The following FLRT2 variants were observed in gnomAD, a reference collection of about 807,000 sequenced individuals.
The protein encoded by FLRT2 is leucine-rich repeat transmembrane protein FLRT2.
A neutral mutation model predicts 40.0 loss-of-function variants in FLRT2; 15 were observed. That is an observed-to-expected ratio of 0.38 (90% CI 0.25 to 0.58). The LOEUF (loss-of-function observed/expected upper bound fraction) is 0.58, where lower values mean the gene tolerates loss of function less well. Ranked by LOEUF, FLRT2 falls within the 20% of genes least tolerant of loss-of-function variation. The pLI, the probability that FLRT2 is intolerant of heterozygous loss-of-function variation, is 0.71. For synonymous variants in FLRT2, 380 were observed against 336.8 expected, an observed-to-expected ratio of 1.13 and a Z score of -1.41; for missense variants, 726 against 840.0, an observed-to-expected ratio of 0.86 and a Z score of 1.68.
chr14:85,584,150 G>A (rs1487636710), intron 1 of FLRT2, among the ~76,000 whole-genome samples: 1 of 152,134 alleles, frequency 6.6e-6, no homozygotes, highest in East Asian at 1.9e-4. Context: ...TTGCTCTATT[G>A]TTTTAACCTC....
chr14:85,564,303 G>A (rs1306213021), intron 1 of FLRT2, among the ~76,000 whole-genome samples: 2 of 152,094 alleles, frequency 1.3e-5, no homozygotes, highest in Non-Finnish European at 2.9e-5. Context: ...CAGTTTAGAA[G>A]CTTTAACAAT....
rs1339167450 is a variant in FLRT2, at chr14:85,637,489, G to GT, written c.*13993dup. On this transcript the variant is annotated 3_prime_UTR_variant, in exon 2 of 2. Transcript: ENST00000330753. ...TTTAAAGTTACTAGCACAGTGTCTA[G>GT]TATATACAGTTGCTTTGTTACATTA... 1 of 152,202 alleles carries GT rather than the reference G, an allele frequency of 6.6e-6. No individual in the cohort carries two copies. The highest frequency in any genetic ancestry group is 1.5e-5 in the Non-Finnish European group (1 of 68,036). The allele number at this position is 152,202 out of a possible 1,614,324, so 9.4% of individuals were successfully genotyped here.
At chr14:85,606,252 A>G (rs1029429294) in intron 1 of FLRT2, among the ~76,000 whole-genome samples, 2 of 152,196 alleles carry the variant, frequency 1.3e-5, no homozygotes, top group Non-Finnish European at 2.9e-5. Context: ...AACACTCAGT[A>G]TGTCATGGGC....
At chr14:85,589,580 A>G (rs1364318252) in intron 1 of FLRT2, among the ~76,000 whole-genome samples, 1 of 151,814 alleles carries the variant, frequency 6.6e-6, no homozygotes, top group East Asian at 1.9e-4. Context: ...CACCTTGTGG[A>G]TTGTTTCCTT....
chr14:85,613,653 A>G (rs1293127956), intron 1 of FLRT2, among the ~76,000 whole-genome samples: 1 of 152,166 alleles, frequency 6.6e-6, no homozygotes, highest in Non-Finnish European at 1.5e-5. Context: ...TTTGTGTTAC[A>G]AACAGATCTT....
intron 1 of FLRT2, among the ~76,000 whole-genome samples, chr14:85,552,520 C>A (rs1385983529): frequency 6.6e-6 from 1 of 152,086 alleles, no homozygotes; most frequent in Non-Finnish European, 1.5e-5. Flanking sequence ...TTTTAGAAAG[C>A]AGTTGATATT....
Position 85,621,745 on chromosome 14 carries a change from T to G in FLRT2, c.231T>G (p.Asn77Lys). 1 of 1,614,240 alleles carries G rather than the reference T, an allele frequency of 6.2e-7. No individual in the cohort carries two copies. Among genetic ancestry groups the G allele is most frequent in the Non-Finnish European group, 8.5e-7 (1 of 1,180,046 alleles). The change falls in exon 2 of 2, where the codon AAT (asparagine) becomes AAG (lysine). Residue 77 changes from asparagine (N) to lysine (K), a missense_variant. Asn to Lys is a moderately conservative substitution (Grantham distance 94). Around this residue, in one of 3 missense-constraint regions of FLRT2, gnomAD observed 106 missense variants for 121.2 expected, o/e 0.87. Transcript: ENST00000330753. The part of the protein sequence containing the change: ...VLYLHNNQIN[N>K]AGFPAELHNV... ...ACCTCCACAACAACCAAATTAATAA[T>G]GCTGGATTTCCTGCAGAACTGCACA...
Position 85,568,662 on chromosome 14 carries a change from TG to T in FLRT2, c.-377+38130del, listed in dbSNP as rs377431512. 2.2e-4 allele frequency among the ~76,000 whole-genome samples: 33 copies of T among 152,248 alleles called. 2 individuals are homozygous for T. In the East Asian group the frequency reaches 5.2e-3, roughly 24 times the overall value. ...TTCATGAACTTCTTCAGGGACTCAA[TG>T]GCCTGATCCTGCACTCTTCGCCCCA... is the stretch of plus-strand genomic sequence containing the variant. On this transcript the variant is annotated intron_variant, in intron 1 of 1. Transcript: ENST00000330753.
chr14:85,631,303 C>A lies in FLRT2; in HGVS notation c.*7806C>A, dbSNP rs1893867309. ...CTCTTCCAAAGCCGCTGGAATCACA[C>A]CTGCCAATTATCTGACCGCTTTGTG... On this transcript the variant is annotated 3_prime_UTR_variant, in exon 2 of 2. Coordinates refer to ENST00000330753, the MANE Select transcript of FLRT2 (RefSeq NM_013231.6). 6.6e-6 allele frequency: 1 copy of A among 151,792 alleles called. No homozygotes were observed. Among genetic ancestry groups the A allele is most frequent in the Admixed American group, 6.6e-5 (1 of 15,244 alleles). 9.4% of individuals were successfully genotyped at this position (151,792 alleles called of 1,614,324 possible).
chr14:85,542,307 T>C (rs775547817), intron 1 of FLRT2, among the ~76,000 whole-genome samples: 1 of 152,144 alleles, frequency 6.6e-6, no homozygotes, highest in Non-Finnish European at 1.5e-5. Flanking sequence ...TATAATTGCA[T>C]GTATGTATAG....
intron 1 of FLRT2, among the ~76,000 whole-genome samples, chr14:85,606,268 T>C (rs1892609315): frequency 6.6e-6 from 1 of 152,188 alleles, no homozygotes; most frequent in African/African-American, 2.4e-5. Flanking sequence ...TGGGCTGGTG[T>C]ATTTTGTTGA....
chr14:85,534,827 A>G (rs2139797922), intron 1 of FLRT2, among the ~76,000 whole-genome samples: 1 of 151,462 alleles, frequency 6.6e-6, no homozygotes, highest in African/African-American at 2.4e-5. Flanking sequence ...AAAAGATTCC[A>G]GCCCCAACTC....
At position 85,650,750 on chromosome 14, in the gene FLRT2, A is replaced by T. The variant is rs1275696058; in HGVS notation, c.*27253A>T. On this transcript the variant is annotated 3_prime_UTR_variant, in exon 2 of 2. Coordinates refer to ENST00000330753, the MANE Select transcript of FLRT2 (RefSeq NM_013231.6). ...TTTATTTATTTATTATCTGTTCATG[A>T]TTTTCTTCATTTTTTCTCTTACTGG... 2.1e-4 allele frequency: 24 copies of T among 112,242 alleles called. No homozygotes were observed. Among genetic ancestry groups the T allele is most frequent in the Admixed American group, 2.0e-3 (24 of 12,068 alleles). 7.0% of individuals were successfully genotyped at this position (112,242 alleles called of 1,614,324 possible). A position where few individuals can be genotyped will look rare whatever the true frequency, so the allele number is the denominator to read the frequency against.
chr14:85,534,860 C>T (rs867083776), intron 1 of FLRT2, among the ~76,000 whole-genome samples: 27 of 150,026 alleles, frequency 1.8e-4, no homozygotes, highest in African/African-American at 6.2e-4. Flanking sequence ...TTTCCCCCAA[C>T]TGAGTTTTTA....
intron 1 of FLRT2, among the ~76,000 whole-genome samples, chr14:85,588,467 T>C (rs35659097): frequency 5.3e-5 from 8 of 151,826 alleles, no homozygotes. Context: ...GTTTTTTTTT[T>C]TTTTTAATTT....
Position 85,643,782 on chromosome 14 carries a change from A to G in FLRT2, c.*20285A>G, listed in dbSNP as rs1894225610. 6.6e-6 allele frequency: 1 copy of G among 151,758 alleles called. No individual in the cohort carries two copies. Among genetic ancestry groups the G allele is most frequent in the Non-Finnish European group, 1.5e-5 (1 of 67,934 alleles). The allele number at this position is 151,758 out of a possible 1,614,324, so 9.4% of individuals were successfully genotyped here. Reference sequence around the variant, plus strand: ...TGAAAGTGTAGATGCTGCCCACAAAATGTGCTCCCTGTTTAAGTGGGGTTG... The same window carrying G: ...TGAAAGTGTAGATGCTGCCCACAAAGTGTGCTCCCTGTTTAAGTGGGGTTG... On this transcript the variant is annotated 3_prime_UTR_variant, in exon 2 of 2. Coordinates refer to ENST00000330753, the MANE Select transcript of FLRT2 (RefSeq NM_013231.6).
At chr14:85,541,817 C>A (rs1381289321) in intron 1 of FLRT2, among the ~76,000 whole-genome samples, 2 of 152,150 alleles carry the variant, frequency 1.3e-5, no homozygotes, top group Non-Finnish European at 2.9e-5. Context: ...CACCCCCATG[C>A]CTTCTACCTC....
intron 1 of FLRT2, among the ~76,000 whole-genome samples, chr14:85,566,545 A>T (rs1004979842): frequency 1.1e-4 from 6 of 52,332 alleles, no homozygotes; most frequent in African/African-American, 5.0e-4. Flanking sequence ...CTTAACTTCC[A>T]TGGTTGTGTG....
rs1048581522 is a variant in FLRT2 at position 85,644,152 on chromosome 14, A to C, written c.*20655A>C. On this transcript the variant is annotated 3_prime_UTR_variant, in exon 2 of 2. Transcript: ENST00000330753. ...CTCATTTAACTTGATTTTTTTTTTT[A>C]ATCTATGAAGTAGTTGGCTATGTTT... 1 of 148,242 alleles carries C rather than the reference A, an allele frequency of 6.7e-6. No homozygotes were observed. The highest frequency in any genetic ancestry group is 2.5e-5 in the African/African-American group (1 of 39,858). The allele number at this position is 148,242 out of a possible 1,614,324, so 9.2% of individuals were successfully genotyped here.
Sources: allele counts gnomAD v4.1 joint callset (sites outside exome capture counted in the v4.1 genomes callset), GRCh38; gene constraint gnomAD v4.1.1; regional missense constraint gnomAD v4.1.1; transcripts MANE v1.5; gene names NCBI Gene and HGNC (gene_info 2026-07-23, HGNC 2026-07-21).